DMD: variants seen among roughly 807,000 people sequenced by gnomAD.
The protein encoded by DMD is dystrophin.
Under a neutral mutation model 330.1 loss-of-function variants are expected in DMD, and 63 were observed. The ratio of observed to expected loss-of-function variants is 0.19; its 90% CI spans 0.16 to 0.24. The LOEUF is 0.24. Ranked by LOEUF, DMD falls within the 10% of genes least tolerant of loss-of-function variation. DMD has a pLI of 1.00. For synonymous variants in DMD, 1,223 were observed against 959.8 expected (o/e 1.27, Z -5.07); for missense variants, 3,344 against 2,684.1 (o/e 1.25, Z -5.43).
intron 60 of DMD, among the ~76,000 whole-genome samples, chrX:31,391,176 A>C (rs1177542049): frequency 9.0e-6 from 1 of 111,044 alleles, no homozygotes; most frequent in Admixed American, 9.6e-5. Flanking sequence ...TTTGAGACAG[A>C]GTCTTGCCCT....
intron 50 of DMD, among the ~76,000 whole-genome samples, chrX:31,805,604 C>A (rs1418069385): frequency 8.9e-6 from 1 of 111,739 alleles, no homozygotes; most frequent in African/African-American, 3.2e-5. Flanking sequence ...ATGTTTTAGG[C>A]TCGAGTCCTT....
chrX:32,056,076 A>C (rs1388080890), intron 44 of DMD, among the ~76,000 whole-genome samples: 4 of 111,331 alleles, frequency 3.6e-5, no homozygotes, highest in Non-Finnish European at 5.7e-5. Flanking sequence ...GATTTGATAA[A>C]TTAAATGATA....
At chrX:32,322,847 G>T (rs991945214) in intron 41 of DMD, among the ~76,000 whole-genome samples, 1 of 111,758 alleles carries the variant, frequency 8.9e-6, no homozygotes, top group African/African-American at 3.2e-5. Context: ...AAAGAGGAGA[G>T]ATATTAAAGA....
chrX:32,636,925 G>C (rs1467016745), intron 11 of DMD, among the ~76,000 whole-genome samples: 2 of 110,129 alleles, frequency 1.8e-5, no homozygotes, highest in South Asian at 4.0e-4. Flanking sequence ...GTGAACCCGG[G>C]GGGCGGAGCT....
intron 63 of DMD, among the ~76,000 whole-genome samples, chrX:31,231,687 G>A (rs905500407): frequency 2.7e-5 from 3 of 112,077 alleles, no homozygotes; most frequent in Non-Finnish European, 3.8e-5. Flanking sequence ...GAGACCACCT[G>A]GGCCAACATG....
intron 48 of DMD, among the ~76,000 whole-genome samples, chrX:31,861,468 C>T (rs921994826): frequency 1.8e-5 from 2 of 108,206 alleles, no homozygotes; most frequent in Non-Finnish European, 3.8e-5. Flanking sequence ...ATGATGTGCA[C>T]AAAGTTATAC....
intron 42 of DMD, among the ~76,000 whole-genome samples, chrX:32,300,277 G>C (rs2097517303): frequency 9.0e-6 from 1 of 111,648 alleles, no homozygotes; most frequent in Non-Finnish European, 1.9e-5. Flanking sequence ...GAGCTATTCA[G>C]GTAATTCCTT....
At chrX:32,418,552 A>T (rs1379210185) in intron 29 of DMD, among the ~76,000 whole-genome samples, 2 of 111,576 alleles carry the variant, frequency 1.8e-5, no homozygotes, top group Non-Finnish European at 3.8e-5. Context: ...TGTCAAATGC[A>T]ACAACTTGCC....
At chrX:32,886,705 G>T (rs1237676491) in intron 2 of DMD, among the ~76,000 whole-genome samples, 3 of 111,311 alleles carry the variant, frequency 2.7e-5, no homozygotes, top group Non-Finnish European at 5.7e-5. Context: ...AATATCCTTT[G>T]ACCTAATAAT....
chrX:31,416,784 C>A (rs765521530), intron 60 of DMD, among the ~76,000 whole-genome samples: 1 of 111,957 alleles, frequency 8.9e-6, no homozygotes, highest in Non-Finnish European at 1.9e-5. Context: ...AATAGTTGCA[C>A]GTGACCTAAA....
intron 1 of DMD, among the ~76,000 whole-genome samples, chrX:33,244,379 C>T (rs186523551): frequency 6.8e-4 from 76 of 111,524 alleles, no homozygotes; most frequent in African/African-American, 2.3e-3. Flanking sequence ...AATATGATTA[C>T]GATAAAATCT....
At chrX:32,121,949 G>C (rs1457496239) in intron 44 of DMD, among the ~76,000 whole-genome samples, 1 of 109,121 alleles carries the variant, frequency 9.2e-6, no homozygotes, top group East Asian at 2.9e-4. Flanking sequence ...AATATGAGGG[G>C]GTAAGAGAAA....
At chrX:33,190,834 G>T (rs2050498962) in intron 1 of DMD, among the ~76,000 whole-genome samples, 1 of 63,733 alleles carries the variant, frequency 1.6e-5, no homozygotes, top group African/African-American at 5.1e-5. Flanking sequence ...TTTATAAAAG[G>T]AAGTAGTACT....
At chrX:31,798,639 T>C (rs192357488) in intron 50 of DMD, among the ~76,000 whole-genome samples, 46 of 111,300 alleles carry the variant, frequency 4.1e-4, no homozygotes, top group Admixed American at 4.0e-3. Flanking sequence ...GTCTACTTGA[T>C]CTGGGCACCA....
intron 1 of DMD, among the ~76,000 whole-genome samples, chrX:33,329,704 CT>C (rs2148962845): frequency 9.0e-6 from 1 of 111,517 alleles, no homozygotes; most frequent in Non-Finnish European, 1.9e-5. Context: ...CAGGAACTGT[CT>C]GTCCTAATCA....
intron 44 of DMD, among the ~76,000 whole-genome samples, chrX:32,216,657 G>A (rs187377317): frequency 6.4e-4 from 71 of 111,463 alleles, no homozygotes; most frequent in Non-Finnish European, 1.1e-3. Flanking sequence ...GCTTCCCTCT[G>A]TCACAGATTC....
chrX:32,472,387 A>T (rs1483266724), intron 21 of DMD, 78 bp from the exon 22 acceptor site: 4 of 985,124 alleles, frequency 4.1e-6, no homozygotes, highest in Non-Finnish European at 4.3e-6. Flanking sequence ...TTGTCAGCAA[A>T]CTCAATTATA....
chrX:32,499,400 T>G (rs930073153), intron 19 of DMD, among the ~76,000 whole-genome samples: 6 of 111,355 alleles, frequency 5.4e-5, no homozygotes, highest in Non-Finnish European at 1.1e-4. Flanking sequence ...TACGCACATA[T>G]TTTTATTAGT....
intron 13 of DMD, among the ~76,000 whole-genome samples, chrX:32,585,431 G>T (rs1472713534): frequency 9.0e-6 from 1 of 111,052 alleles, no homozygotes. Context: ...GCCGGGCGTG[G>T]TGGCTCACGC....
Sources: gnomAD v4.1 joint callset for allele counts (sites outside exome capture counted in the v4.1 genomes callset) on GRCh38, gnomAD v4.1.1 for gene constraint, MANE v1.5 for transcripts, NCBI Gene and HGNC (gene_info 2026-07-23, HGNC 2026-07-21) for gene names.